Variants in ANO10 observed in about 807,000 individuals in gnomAD.
ANO10 encodes the protein anoctamin 10.
Under a neutral mutation model 74.7 loss-of-function variants are expected in ANO10, and 77 were observed. That is an observed-to-expected ratio of 1.03 (90% confidence interval 0.86 to 1.25). The LOEUF is 1.25. ANO10 is among the 50% of genes most tolerant of loss of function. The pLI is 0.00. For synonymous variants in ANO10, 279 were observed against 284.9 expected (o/e 0.98, Z 0.21); for missense variants, 721 against 778.1 (o/e 0.93, Z 0.87).
chr3:43,653,337 ATAGT>A (rs2083809909), intron 1 of ANO10, among the ~76,000 whole-genome samples: 1 of 151,810 alleles, frequency 6.6e-6, no homozygotes, highest in African/African-American at 2.4e-5. Flanking sequence ...AGATTAATGG[ATAGT>A]TAAAGAAATG....
chr3:43,579,878 G>A (rs2081185480), intron 5 of ANO10, among the ~76,000 whole-genome samples: 1 of 152,066 alleles, frequency 6.6e-6, no homozygotes, highest in Non-Finnish European at 1.5e-5. Context: ...AAAAATGCAA[G>A]GCACAATAGC....
chr3:43,678,627 T>C (rs894001680), intron 1 of ANO10, among the ~76,000 whole-genome samples: 1 of 152,166 alleles, frequency 6.6e-6, no homozygotes, highest in Non-Finnish European at 1.5e-5. Context: ...GTTGTGAGCC[T>C]TTAAAAGGGA....
Position 43,509,422 on chromosome 3 carries a change from A to T in ANO10, c.1797+40298T>A, listed in dbSNP as rs185068900. On this transcript the variant is annotated intron_variant, in intron 11 of 12. Coordinates refer to ENST00000292246, the MANE Select transcript of ANO10 (RefSeq NM_018075.5). Reference sequence around the variant, plus strand: ...ACATTTCACTGAAGAGGATTCAGCAATGGCAAATAAGCACTTGAAAAGTTG... The same window carrying T: ...ACATTTCACTGAAGAGGATTCAGCATTGGCAAATAAGCACTTGAAAAGTTG... Among the ~76,000 whole-genome samples the T allele has an allele frequency of 5.2e-4, 80 of 152,386 alleles. 1 individual carries two copies. The highest frequency in any genetic ancestry group is 1.8e-3 in the African/African-American group (76 of 41,602).
chr3:43,496,622 G>T (rs2076925266), intron 11 of ANO10, among the ~76,000 whole-genome samples: 1 of 151,810 alleles, frequency 6.6e-6, no homozygotes, highest in African/African-American at 2.4e-5. Context: ...ATATTTTTTG[G>T]GGGTGGGGGA....
intron 12 of ANO10, among the ~76,000 whole-genome samples, chr3:43,414,808 T>C (rs1462927278): frequency 6.6e-6 from 1 of 152,078 alleles, no homozygotes; most frequent in Non-Finnish European, 1.5e-5. Flanking sequence ...GTCCACAATT[T>C]CTTTGTTACA....
intron 12 of ANO10, among the ~76,000 whole-genome samples, chr3:43,393,621 C>G (rs370315900): frequency 6.6e-6 from 1 of 152,314 alleles, no homozygotes; most frequent in Admixed American, 6.5e-5. Context: ...TAGCCCTCCT[C>G]TCTTTCCCTC....
At chr3:43,465,708 C>T (rs113898929) in intron 11 of ANO10, among the ~76,000 whole-genome samples, 3 of 152,242 alleles carry the variant, frequency 2.0e-5, no homozygotes, top group African/African-American at 7.2e-5. Context: ...TGGTTCATTA[C>T]TGATTGTAAT....
intron 12 of ANO10, among the ~76,000 whole-genome samples, chr3:43,421,971 T>C (rs756810575): frequency 1.3e-5 from 2 of 152,232 alleles, no homozygotes; most frequent in Non-Finnish European, 2.9e-5. Context: ...AATAAATGGA[T>C]ACATAAGCCA....
chr3:43,600,624 A>C (rs769062817), intron 2 of ANO10, 43 bp from the exon 3 acceptor site: 2 of 1,511,068 alleles, frequency 1.3e-6, no homozygotes, highest in Admixed American at 1.7e-5. Context: ...CAAACATAAA[A>C]GTTTCAAAAC....
rs530484241 is a variant in ANO10 at position 43,631,449 on chromosome 3, C to T, written c.-11-25586G>A. On this transcript the variant is annotated intron_variant, in intron 1 of 3. Coordinates refer to the ANO10 transcript ENST00000413397. ...TGGTTTCTAAGAGAAAGGAGGAATG[C>T]TTATAGTATCCACCCTTCTCAAACC... 3.3e-5 allele frequency among the ~76,000 whole-genome samples: 5 copies of T among 152,288 alleles called. No homozygotes were observed. The East Asian group carries it at 7.7e-4, about 24-fold the overall frequency.
intron 12 of ANO10, among the ~76,000 whole-genome samples, chr3:43,415,389 G>A (rs2148900974): frequency 6.6e-6 from 1 of 152,162 alleles, no homozygotes; most frequent in East Asian, 1.9e-4. Context: ...GATTCCAACA[G>A]CCATTTTATC....
chr3:43,473,462 G>C (rs140947979), intron 11 of ANO10, among the ~76,000 whole-genome samples: 95 of 152,288 alleles, frequency 6.2e-4, no homozygotes, highest in African/African-American at 2.2e-3. Flanking sequence ...CAGTCAGAGA[G>C]AGCATGACCA....
chr3:43,371,213 C>A (rs1254597140), intron 12 of ANO10, among the ~76,000 whole-genome samples: 1 of 152,122 alleles, frequency 6.6e-6, no homozygotes, highest in Non-Finnish European at 1.5e-5. Context: ...GTCTGGGGAG[C>A]CCTTGGCTGA....
intron 11 of ANO10, among the ~76,000 whole-genome samples, chr3:43,440,470 G>A (rs2093143012): frequency 6.6e-6 from 1 of 152,062 alleles, no homozygotes; most frequent in Admixed American, 6.5e-5. Flanking sequence ...AGGATATTAT[G>A]TAAAAACGAA....
intron 1 of ANO10, among the ~76,000 whole-genome samples, chr3:43,672,619 G>A (rs2084073453): frequency 6.6e-6 from 1 of 152,082 alleles, no homozygotes; most frequent in South Asian, 2.1e-4. Flanking sequence ...CTAATAAACA[G>A]GTCTCTATCT....
chr3:43,442,789 C>A (rs2093179932), intron 11 of ANO10, among the ~76,000 whole-genome samples: 1 of 152,148 alleles, frequency 6.6e-6, no homozygotes, highest in Admixed American at 6.6e-5. Flanking sequence ...AATATATAAA[C>A]AAATGGGTGC....
intron 10 of ANO10, among the ~76,000 whole-genome samples, chr3:43,552,950 C>T (rs529426281): frequency 6.6e-6 from 1 of 151,990 alleles, no homozygotes; most frequent in South Asian, 2.1e-4. Context: ...CCCACAACCA[C>T]ACCCAGCTAA....
intron 12 of ANO10, among the ~76,000 whole-genome samples, chr3:43,374,554 A>G (rs915841131): frequency 1.3e-5 from 2 of 152,166 alleles, no homozygotes; most frequent in Non-Finnish European, 2.9e-5. Flanking sequence ...TAGACGTTTC[A>G]TTTTTGTACT....
rs151266424 is a variant in ANO10 at position 43,588,123 on chromosome 3, T to C, written c.473-7651A>G. ...ATTAGATTTTGACTACACATAGTAA[T>C]AGAACAAAAAAGAAAACAGAAAATC... On this transcript the variant is annotated intron_variant, in intron 4 of 12. Transcript: ENST00000292246. Among the ~76,000 whole-genome samples the C allele has an allele frequency of 6.5e-3, 993 of 152,242 alleles. 8 individuals carry two copies. Among genetic ancestry groups the C allele is most frequent in the African/African-American group, 0.023 (951 of 41,560 alleles).
Sources: gnomAD v4.1 joint callset for allele counts (sites outside exome capture counted in the v4.1 genomes callset) on GRCh38, gnomAD v4.1.1 for gene constraint, MANE v1.5 for transcripts, NCBI Gene and HGNC (gene_info 2026-07-23, HGNC 2026-07-21) for gene names.